GPC5: variants seen among roughly 807,000 people sequenced by gnomAD.
GPC5 encodes the protein glypican 5, also known as glypican-5.
GPC5 carries 47 observed loss-of-function variants against 53.9 expected under a neutral mutation model. That is an observed-to-expected ratio of 0.87 (90% CI 0.69 to 1.11). The LOEUF is 1.11. Among genes scored for constraint, GPC5 ranks in the 50% most tolerant of loss-of-function variants. The pLI, the probability that GPC5 is intolerant of heterozygous loss-of-function variation, is 0.00. For synonymous variants in GPC5, 286 were observed against 263.3 expected (o/e 1.09, Z -0.84); for missense variants, 748 against 713.1 (o/e 1.05, Z -0.56).
intron 2 of GPC5, among the ~76,000 whole-genome samples, chr13:91,608,040 A>G (rs1469494308): frequency 6.6e-6 from 1 of 152,232 alleles, no homozygotes; most frequent in African/African-American, 2.4e-5. Flanking sequence ...ACATTTTCAT[A>G]TTATTAAACA....
At chr13:91,437,804 C>T (rs1204813820) in intron 1 of GPC5, among the ~76,000 whole-genome samples, 1 of 152,186 alleles carries the variant, frequency 6.6e-6, no homozygotes, top group Admixed American at 6.5e-5. Context: ...ACCAATCAGA[C>T]ATAGATTTGG....
intron 7 of GPC5, among the ~76,000 whole-genome samples, chr13:92,276,979 A>G (rs2042880067): frequency 6.6e-6 from 1 of 151,870 alleles, no homozygotes; most frequent in South Asian, 2.1e-4. Flanking sequence ...AGTAAACATT[A>G]CTTTTAGTCT....
intron 2 of GPC5, among the ~76,000 whole-genome samples, chr13:91,515,950 G>A (rs1885475680): frequency 1.3e-5 from 2 of 152,148 alleles, no homozygotes; most frequent in South Asian, 4.1e-4. Context: ...AAGCAAAAGA[G>A]CAAACCCCTG....
At chr13:92,802,276 A>G (rs1287039371) in intron 7 of GPC5, among the ~76,000 whole-genome samples, 1 of 151,862 alleles carries the variant, frequency 6.6e-6, no homozygotes, top group African/African-American at 2.4e-5. Flanking sequence ...TAGGTAGGCT[A>G]TAGTATCTAG....
intron 7 of GPC5, among the ~76,000 whole-genome samples, chr13:92,276,765 AT>A (rs1465409397): frequency 6.6e-6 from 1 of 152,124 alleles, no homozygotes; most frequent in Non-Finnish European, 1.5e-5. Context: ...CAATGATCCA[AT>A]AGATGTATAA....
intron 2 of GPC5, among the ~76,000 whole-genome samples, chr13:91,679,424 T>C (rs746589160): frequency 3.3e-5 from 5 of 152,184 alleles, no homozygotes; most frequent in African/African-American, 1.2e-4. Context: ...GGTTGATATG[T>C]TATACATGGA....
chr13:92,517,665 C>T (rs893241639), intron 7 of GPC5, among the ~76,000 whole-genome samples: 8 of 152,136 alleles, frequency 5.3e-5, no homozygotes, highest in African/African-American at 1.9e-4. Flanking sequence ...ACATCCACAC[C>T]AAAACCCCAT....
intron 7 of GPC5, among the ~76,000 whole-genome samples, chr13:92,252,435 G>T (rs1205663054): frequency 1.3e-5 from 2 of 151,988 alleles, no homozygotes; most frequent in Non-Finnish European, 2.9e-5. Context: ...GACAGATTTT[G>T]CAGCATTAAT....
intron 7 of GPC5, among the ~76,000 whole-genome samples, chr13:92,807,595 T>C (rs1338831194): frequency 6.6e-6 from 1 of 152,092 alleles, no homozygotes; most frequent in Non-Finnish European, 1.5e-5. Flanking sequence ...ACCGCGTTTG[T>C]TTCTTCTGGC....
At chr13:91,537,611 A>G (rs999005415) in intron 2 of GPC5, among the ~76,000 whole-genome samples, 2 of 152,240 alleles carry the variant, frequency 1.3e-5, no homozygotes, top group African/African-American at 4.8e-5. Context: ...AATTCCTACT[A>G]TGTTACACAA....
intron 7 of GPC5, among the ~76,000 whole-genome samples, chr13:92,285,981 G>A (rs1473776488): frequency 1.3e-5 from 2 of 151,706 alleles, no homozygotes; most frequent in Non-Finnish European, 2.9e-5. Context: ...GAAAATTTTT[G>A]CTATCTACTC....
intron 7 of GPC5, among the ~76,000 whole-genome samples, chr13:92,351,973 T>C (rs1026994923): frequency 6.6e-5 from 10 of 152,162 alleles, no homozygotes; most frequent in Non-Finnish European, 1.2e-4. Context: ...ATTTTAAGGT[T>C]TTTGTGGAAG....
Position 91,728,563 on chromosome 13 carries a change from C to G in GPC5, c.1052C>G (p.Thr351Arg), listed in dbSNP as rs200535500. ...VNRICGRPVR[T>R]PTQSPRCSFD... ...AGGATTTGTGGCCGCCCTGTAAGAA[C>G]ACCCACACAAAGCCCCCGTTGTTCT... Residue 351 changes from threonine to arginine, a missense_variant, in exon 4 of 8, where the codon ACA (threonine) becomes AGA (arginine). Thr to Arg is a moderately conservative substitution (Grantham distance 71, BLOSUM62 -1). Transcript: ENST00000377067. 1.2e-6 allele frequency: 2 copies of G among 1,612,196 alleles called. No homozygotes were observed. The highest frequency in any genetic ancestry group is 3.3e-5 in the Admixed American group (2 of 59,896).
At chr13:92,156,433 A>G (rs1221361859) in intron 7 of GPC5, among the ~76,000 whole-genome samples, 8 of 152,046 alleles carry the variant, frequency 5.3e-5, no homozygotes, top group Non-Finnish European at 1.0e-4. Context: ...TGTTGTTTTC[A>G]TGGCTTTAAC....
Position 91,448,775 on chromosome 13 carries a change from G to GT in GPC5, c.181dup (p.Cys61LeufsTer52), listed in dbSNP as rs745349116. On this transcript the variant is annotated frameshift_variant, in exon 2 of 8. Coordinates refer to ENST00000377067, the MANE Select transcript of GPC5 (RefSeq NM_004466.6). LOFTEE classifies it high-confidence loss of function. ...GTGTGTTCCAGGACCTGATCTTCAG[G>GT]TTTGCATATCCAAAAAGCCTACATG... 10 of 1,612,716 alleles carry GT rather than the reference G, an allele frequency of 6.2e-6. No individual in the cohort carries two copies. In the South Asian group the frequency reaches 1.1e-4, roughly 18 times the overall value.
chr13:92,197,929 T>C (rs533195719), intron 7 of GPC5, among the ~76,000 whole-genome samples: 2 of 152,222 alleles, frequency 1.3e-5, no homozygotes, highest in South Asian at 2.1e-4. Flanking sequence ...CAGTAGTACA[T>C]TGCAGCCATG....
intron 5 of GPC5, among the ~76,000 whole-genome samples, chr13:91,831,849 T>G (rs1379071038): frequency 6.6e-6 from 1 of 152,118 alleles, no homozygotes; most frequent in Non-Finnish European, 1.5e-5. Context: ...TCCATTCTTT[T>G]GCATTTGCTG....
At chr13:92,191,534 A>T (rs1030645654) in intron 7 of GPC5, among the ~76,000 whole-genome samples, 3 of 152,202 alleles carry the variant, frequency 2.0e-5, no homozygotes, top group Admixed American at 2.0e-4. Flanking sequence ...CAAATGAATT[A>T]AAAACTTATA....
At position 91,801,702 on chromosome 13, in the gene GPC5, T is replaced by A. The variant is rs559317185; in HGVS notation, c.1280+45282T>A. 2.4e-3 allele frequency among the ~76,000 whole-genome samples: 360 copies of A among 152,334 alleles called. 1 individual carries two copies. The highest frequency in any genetic ancestry group is 4.2e-3 in the Non-Finnish European group (285 of 68,024). On this transcript the variant is annotated intron_variant, in intron 5 of 7. Coordinates refer to ENST00000377067, the MANE Select transcript of GPC5 (RefSeq NM_004466.6). ...CATTTATTGAATGCTTCCTACGTAC[T>A]TAGCATTGTGGTAACATTTTGTGGC...
Sources: gnomAD v4.1 joint callset for allele counts (sites outside exome capture counted in the v4.1 genomes callset) on GRCh38, gnomAD v4.1.1 for gene constraint, MANE v1.5 for transcripts, NCBI Gene and HGNC (gene_info 2026-07-23, HGNC 2026-07-21) for gene names.